AFF2: variants seen among roughly 807,000 people sequenced by gnomAD.
The protein encoded by AFF2 is ALF transcription elongation factor 2.
In AFF2, 14 loss-of-function variants were observed where a neutral mutation model predicts 76.9. The observed-to-expected ratio is 0.18, with a 90% CI of 0.12 to 0.28. The LOEUF (loss-of-function observed/expected upper bound fraction) is 0.28, where lower values mean the gene tolerates loss of function less well. Ranked by LOEUF, AFF2 falls within the 10% of genes least tolerant of loss-of-function variation. The pLI is 1.00. For synonymous variants in AFF2, 398 were observed against 366.7 expected (o/e 1.09, Z -0.98); for missense variants, 868 against 1,001.1 (o/e 0.87, Z 1.79).
At chrX:148,911,097 G>A (rs868996385) in intron 9 of AFF2, among the ~76,000 whole-genome samples, 1 of 108,704 alleles carries the variant, frequency 9.2e-6, no homozygotes, top group African/African-American at 3.4e-5. Context: ...ATATATATGT[G>A]TATGTGTGTG....
chrX:148,949,868 A>G (rs2071944831), intron 9 of AFF2, among the ~76,000 whole-genome samples: 1 of 112,938 alleles, frequency 8.9e-6, no homozygotes, highest in Non-Finnish European at 1.9e-5. Context: ...ACATTAATAC[A>G]GTCTTAGTGA....
At chrX:148,545,564 T>G (rs1433463694) in intron 1 of AFF2, among the ~76,000 whole-genome samples, 1 of 111,374 alleles carries the variant, frequency 9.0e-6, no homozygotes, top group Non-Finnish European at 1.9e-5. Context: ...AGGGTGATCA[T>G]GCACACTGGT....
chrX:148,703,326 G>T (rs1194097476), intron 3 of AFF2, among the ~76,000 whole-genome samples: 2 of 111,967 alleles, frequency 1.8e-5, no homozygotes, highest in African/African-American at 6.5e-5. Context: ...ATTATAATTT[G>T]TTTTCTTTTT....
At chrX:148,718,723 C>T (rs782322429) in intron 3 of AFF2, among the ~76,000 whole-genome samples, 1 of 111,172 alleles carries the variant, frequency 9.0e-6, no homozygotes, top group Admixed American at 9.6e-5. Flanking sequence ...TATGATAGTA[C>T]ACATGTGGAG....
chrX:148,954,444 A>G (rs2072008158), intron 10 of AFF2, among the ~76,000 whole-genome samples: 1 of 111,704 alleles, frequency 9.0e-6, no homozygotes, highest in South Asian at 3.8e-4. Flanking sequence ...GAAAAGAAAA[A>G]TAGGAGACAA....
intron 3 of AFF2, among the ~76,000 whole-genome samples, chrX:148,678,837 A>C (rs1429593599): frequency 8.9e-6 from 1 of 112,049 alleles, no homozygotes; most frequent in Non-Finnish European, 1.9e-5. Flanking sequence ...AGGAAATTGT[A>C]GCTACAGTGT....
At chrX:148,774,707 G>A (rs969312927) in intron 3 of AFF2, among the ~76,000 whole-genome samples, 2 of 111,744 alleles carry the variant, frequency 1.8e-5, no homozygotes, top group African/African-American at 6.5e-5. Flanking sequence ...TGAATATGTT[G>A]GTTTTGCTTG....
In AFF2 at chrX:148,638,826, A is replaced by G. The variant is rs1048042526; in HGVS notation, c.48-13173A>G. On this transcript the variant is annotated intron_variant, in intron 1 of 20. Coordinates refer to ENST00000370460, the MANE Select transcript of AFF2 (RefSeq NM_002025.4). ...CCCCGTGACCTAAGTACCTCGTGAG[A>G]TTTGGTGCTTTTTGTCAAATATCCA... 1.1e-4 allele frequency among the ~76,000 whole-genome samples: 12 copies of G among 111,739 alleles called. No homozygotes were observed. The South Asian group carries it at 1.1e-3, about 11-fold the overall frequency.
At chrX:148,843,245 C>A (rs2070623217) in intron 6 of AFF2, 137 bp from the exon 7 acceptor site, 3 of 533,159 alleles carry the variant, frequency 5.6e-6, no homozygotes, top group Non-Finnish European at 8.9e-6. Flanking sequence ...CTGGTTCCCC[C>A]CCTTTTTTTT....
At chrX:148,697,647 T>C (rs187158051) in intron 3 of AFF2, among the ~76,000 whole-genome samples, 49 of 103,973 alleles carry the variant, frequency 4.7e-4, no homozygotes, top group African/African-American at 1.6e-3. Context: ...ATCTAATTCC[T>C]AGTTCCCATT....
chrX:148,685,045 G>T (rs1322064917), intron 3 of AFF2, among the ~76,000 whole-genome samples: 1 of 112,106 alleles, frequency 8.9e-6, no homozygotes, highest in Non-Finnish European at 1.9e-5. Context: ...CATAACTCAG[G>T]CTGGATTCCG....
At chrX:148,594,042 A>G (rs782551156) in intron 1 of AFF2, among the ~76,000 whole-genome samples, 2 of 111,537 alleles carry the variant, frequency 1.8e-5, no homozygotes, top group South Asian at 7.4e-4. Context: ...GTGCATGGAT[A>G]TATGTGTGGA....
chrX:148,674,305 T>A (rs1237358859), intron 3 of AFF2, among the ~76,000 whole-genome samples: 1 of 112,302 alleles, frequency 8.9e-6, no homozygotes, highest in Admixed American at 9.4e-5. Flanking sequence ...TGGCAAAACT[T>A]AGTTTGCTGA....
chrX:148,564,099 A>G (rs1335952449), intron 1 of AFF2, among the ~76,000 whole-genome samples: 1 of 112,113 alleles, frequency 8.9e-6, no homozygotes, highest in Non-Finnish European at 1.9e-5. Flanking sequence ...GAACAAAACA[A>G]CAGACATGCT....
chrX:148,747,306 T>C (rs368911771), intron 3 of AFF2, among the ~76,000 whole-genome samples: 11 of 111,584 alleles, frequency 9.9e-5, no homozygotes, highest in Middle Eastern at 4.7e-3. Context: ...ATCTCAAAGT[T>C]CAACATGGTG....
chrX:148,874,186 T>C (rs933066269), intron 7 of AFF2, among the ~76,000 whole-genome samples: 1 of 111,713 alleles, frequency 9.0e-6, no homozygotes, highest in African/African-American at 3.3e-5. Flanking sequence ...CCTACTCTCA[T>C]GTCTCTCTGT....
chrX:148,691,425 A>C (rs1166712230), intron 3 of AFF2, among the ~76,000 whole-genome samples: 2 of 112,109 alleles, frequency 1.8e-5, no homozygotes, highest in African/African-American at 6.5e-5. Context: ...TTCTGGTCTG[A>C]AGAAACTCAT....
chrX:148,502,056 T>A (rs1176054482), intron 1 of AFF2, among the ~76,000 whole-genome samples: 3 of 112,020 alleles, frequency 2.7e-5, no homozygotes, highest in Non-Finnish European at 5.6e-5. Context: ...CTGATATACA[T>A]ATCTATTAAC....
chrX:148,831,209 C>A (rs2124659912), intron 4 of AFF2, among the ~76,000 whole-genome samples: 1 of 111,758 alleles, frequency 8.9e-6, no homozygotes, highest in African/African-American at 3.2e-5. Flanking sequence ...GCTCTACAAA[C>A]AATTTGCTCA....
Sources: gnomAD v4.1 joint callset for allele counts (sites outside exome capture counted in the v4.1 genomes callset) on GRCh38, gnomAD v4.1.1 for gene constraint, MANE v1.5 for transcripts, NCBI Gene and HGNC (gene_info 2026-07-23, HGNC 2026-07-21) for gene names.